The following DENND4C variants were observed in gnomAD, a reference collection of about 807,000 sequenced individuals.
The protein encoded by DENND4C is DENN domain containing 4C.
DENND4C carries 108 observed loss-of-function variants against 203.0 expected under a neutral mutation model. The observed-to-expected ratio is 0.53, with a 90% CI of 0.46 to 0.62. The LOEUF (loss-of-function observed/expected upper bound fraction) is 0.62. DENND4C is among the 20% of genes least tolerant of loss of function. DENND4C has a pLI of 0.00. For synonymous variants in DENND4C, 871 were observed against 792.4 expected (o/e 1.10, Z -1.67); for missense variants, 2,481 against 2,301.2 (o/e 1.08, Z -1.60).
chr9:19,243,888 T>C (rs1387756335), intron 1 of DENND4C, among the ~76,000 whole-genome samples: 1 of 152,216 alleles, frequency 6.6e-6, no homozygotes, highest in Non-Finnish European at 1.5e-5. Flanking sequence ...CGTCGCTCAC[T>C]GCAGCCTCGA....
intron 13 of DENND4C, among the ~76,000 whole-genome samples, chr9:19,325,268 C>A (rs1032231958): frequency 6.6e-6 from 1 of 151,850 alleles, no homozygotes; most frequent in Non-Finnish European, 1.5e-5. Context: ...GGTGGAAATA[C>A]GTTAAATTTT....
chr9:19,341,114 G>A lies in DENND4C; in HGVS notation c.3004G>A (p.Glu1002Lys). The change falls in exon 21 of 33, where the codon GAG becomes AAG. Residue 1002 changes from glutamate (E) to lysine (K), a missense_variant and splice_region_variant. By Grantham distance (56) the Glu-to-Lys change is moderately conservative. Around this residue, in one of 3 missense-constraint regions of DENND4C, gnomAD observed 2,289 missense variants for 2,113.3 expected, o/e 1.08. Coordinates refer to ENST00000434457, the MANE Select transcript of DENND4C (RefSeq NM_001330640.2). The stretch of plus-strand genomic sequence containing the variant: ...AACTAAAACAAAAATGCAAACAGAA[G>A]GTTAAGTACTGATATTTACGAACTT... ...LITKTKMQTE[E>K]VCDASAIVAK... 6.2e-7 allele frequency: 1 copy of A among 1,604,154 alleles called. No individual in the cohort carries two copies. The highest frequency in any genetic ancestry group is 8.5e-7 in the Non-Finnish European group (1 of 1,176,488).
Position 19,332,135 on chromosome 9 carries a change from A to C in DENND4C, c.2411A>C (p.Tyr804Ser), listed in dbSNP as rs1161932420. 4 of 1,614,042 alleles carry C rather than the reference A, an allele frequency of 2.5e-6. No individual in the cohort carries two copies. In the Admixed American group the frequency reaches 5.0e-5, roughly 20 times the overall value. ...HPKVRALQQA[Y>S]DVLIKMRKTD... Reference sequence around the variant, plus strand: ...AAAGTCAGAGCACTTCAGCAGGCATATGATGTACTTATTAAGATGAGGAAA... The same window carrying C: ...AAAGTCAGAGCACTTCAGCAGGCATCTGATGTACTTATTAAGATGAGGAAA... Residue 804 changes from tyrosine to serine, a missense_variant, in exon 17 of 33, where the codon TAT (tyrosine) becomes TCT (serine). Tyr to Ser is a moderately radical substitution (Grantham distance 144). This residue lies in a region of DENND4C where 2,289 missense variants were observed against 2,113.3 expected (regional missense o/e 1.08). Transcript: ENST00000434457.
chr9:19,359,169 C>T (rs76256294), intron 28 of DENND4C, among the ~76,000 whole-genome samples: 4,282 of 151,828 alleles, frequency 0.028, 316 homozygotes, highest in African/African-American at 0.098. Flanking sequence ...GAGTCCCTGT[C>T]ATTCTCCAAG....
chr9:19,335,758 T>C (rs62562708), intron 18 of DENND4C, among the ~76,000 whole-genome samples: 36 of 152,212 alleles, frequency 2.4e-4, no homozygotes, highest in East Asian at 1.9e-4. Context: ...CATTCATACA[T>C]TGATAAACAC....
intron 12 of DENND4C, among the ~76,000 whole-genome samples, chr9:19,320,206 T>C (rs1669634247): frequency 6.6e-6 from 1 of 152,140 alleles, no homozygotes; most frequent in Non-Finnish European, 1.5e-5. Flanking sequence ...AAACATCTTT[T>C]TTTTTTTTTA....
In DENND4C at chr9:19,335,005, G is replaced by A. The variant is rs756335954; in HGVS notation, c.2489G>A (p.Cys830Tyr). ...EVCYRVVMQL[C>Y]GLWGHPVLAV... ...TGCTATCGAGTAGTGATGCAGCTTTGTGGACTTTGGGGTCATCCTGTTTTA... is the reference window on the plus strand; with the variant it reads ...TGCTATCGAGTAGTGATGCAGCTTTATGGACTTTGGGGTCATCCTGTTTTA... The change falls in exon 18 of 33, where the codon TGT (cysteine) becomes TAT (tyrosine). Residue 830 changes from cysteine (C) to tyrosine (Y), a missense_variant. Coordinates refer to ENST00000434457, the MANE Select transcript of DENND4C (RefSeq NM_001330640.2). 4.4e-6 allele frequency: 7 copies of A among 1,606,302 alleles called. No homozygotes were observed. The highest frequency in any genetic ancestry group is 4.5e-5 in the East Asian group (2 of 44,656).
chr9:19,233,715 C>T (rs533123193), intron 1 of DENND4C, among the ~76,000 whole-genome samples: 2 of 152,048 alleles, frequency 1.3e-5, no homozygotes, highest in South Asian at 4.2e-4. Context: ...GCCTCAGCTT[C>T]CCAAATAGCT....
chr9:19,318,377 G>A (rs1314328740), intron 12 of DENND4C, among the ~76,000 whole-genome samples: 1 of 151,990 alleles, frequency 6.6e-6, no homozygotes, highest in Non-Finnish European at 1.5e-5. Context: ...TAATAAAATG[G>A]GGGTGATACC....
Position 19,316,562 on chromosome 9 carries a change from G to A in DENND4C, c.1588+45G>A, listed in dbSNP as rs76559654. On this transcript the variant is annotated intron_variant, in intron 11 of 32. Coordinates refer to ENST00000434457, the MANE Select transcript of DENND4C (RefSeq NM_001330640.2). ...ATATTATTAATGAAGGAATGTATACGAGAAAATTCTTCTTAAATTTAACAT... is the reference window on the plus strand; with the variant it reads ...ATATTATTAATGAAGGAATGTATACAAGAAAATTCTTCTTAAATTTAACAT... 6,303 of 1,600,574 alleles carry A rather than the reference G, an allele frequency of 3.9e-3. 218 individuals are homozygous for A. The African/African-American group carries it at 0.075, about 19-fold the overall frequency.
intron 22 of DENND4C, among the ~76,000 whole-genome samples, chr9:19,343,107 G>A (rs1006289592): frequency 2.0e-5 from 3 of 152,138 alleles, no homozygotes; most frequent in Non-Finnish European, 4.4e-5. Context: ...AACAGGCAGT[G>A]ATGTGATCAA....
intron 10 of DENND4C, among the ~76,000 whole-genome samples, chr9:19,306,195 A>G (rs1379778097): frequency 2.0e-5 from 3 of 152,234 alleles, no homozygotes; most frequent in Admixed American, 6.5e-5. Context: ...GTTGGTGCCA[A>G]CTTCCAGGCC....
chr9:19,305,626 T>C, intron 10 of DENND4C, 99 bp downstream of exon 10: 1 of 1,251,962 alleles, frequency 8.0e-7, no homozygotes. Flanking sequence ...TTTTGGTAGT[T>C]GTTAAATCTT....
intron 20 of DENND4C, chr9:19,337,584 C>G (rs1820760327): frequency 1.6e-6 from 2 of 1,245,678 alleles, no homozygotes; most frequent in Non-Finnish European, 2.1e-6. Flanking sequence ...CCTTGGCTGT[C>G]ATGGTGTGGG....
In DENND4C at chr9:19,316,461, A is replaced by G; in HGVS notation, c.1532A>G (p.Lys511Arg). 1 of 1,613,990 alleles carries G rather than the reference A, an allele frequency of 6.2e-7. No individual in the cohort carries two copies. Among genetic ancestry groups the G allele is most frequent in the Non-Finnish European group, 8.5e-7 (1 of 1,179,976 alleles). Residue 511 changes from lysine (K) to arginine (R), a missense_variant, in exon 11 of 33, where the codon AAG (lysine) becomes AGG (arginine). By Grantham distance (26) the Lys-to-Arg change is conservative (BLOSUM62 2). Coordinates refer to ENST00000434457, the MANE Select transcript of DENND4C (RefSeq NM_001330640.2). ...ATGAACTGGAAGCAACTTCCCAAAA[A>G]GCCGTGCAAAAATCTACTTAGCACC... ...KNMNWKQLPKKPCKNLLSTLK... is the reference protein window; with the variant it reads ...KNMNWKQLPKRPCKNLLSTLK...
intron 1 of DENND4C, among the ~76,000 whole-genome samples, chr9:19,264,174 A>G (rs1439310082): frequency 6.6e-6 from 1 of 151,428 alleles, no homozygotes; most frequent in African/African-American, 2.4e-5. Flanking sequence ...CTTCAATCTC[A>G]TTTTGTTGTT....
At chr9:19,369,573 C>T (rs1182376670) in intron 30 of DENND4C, among the ~76,000 whole-genome samples, 1 of 151,796 alleles carries the variant, frequency 6.6e-6, no homozygotes, top group Non-Finnish European at 1.5e-5. Flanking sequence ...TTGAGACCAA[C>T]CTGGGCAACC....
intron 26 of DENND4C, among the ~76,000 whole-genome samples, chr9:19,353,052 C>T (rs1004353138): frequency 1.3e-5 from 2 of 151,962 alleles, no homozygotes; most frequent in African/African-American, 2.4e-5. Context: ...AGGAGGATCG[C>T]GTGAGCCCAG....
chr9:19,345,819 T>G, intron 22 of DENND4C, 102 bp from the exon 23 acceptor site: 3 of 1,093,402 alleles, frequency 2.7e-6, no homozygotes, highest in Non-Finnish European at 3.8e-6. Context: ...GATCTTTTAT[T>G]CTGAGTATAT....
Sources: gnomAD v4.1 joint callset for allele counts (sites outside exome capture counted in the v4.1 genomes callset) on GRCh38, gnomAD v4.1.1 for gene constraint, gnomAD v4.1.1 regional missense constraint, MANE v1.5 for transcripts, NCBI Gene and HGNC (gene_info 2026-07-23, HGNC 2026-07-21) for gene names.